Variants in RBFOX3 observed in about 807,000 individuals in gnomAD.
RBFOX3 encodes the protein RNA binding protein fox-1 homolog 3.
A neutral mutation model predicts 48.7 loss-of-function variants in RBFOX3; 17 were observed. The observed-to-expected ratio is 0.35, with a 90% confidence interval of 0.24 to 0.52. RBFOX3 has a LOEUF of 0.52. Among genes scored for constraint, RBFOX3 ranks in the 20% least tolerant of loss-of-function variants. The pLI, the probability that RBFOX3 is intolerant of heterozygous loss-of-function variation, is 0.94. For synonymous variants in RBFOX3, 212 were observed against 209.5 expected (o/e 1.01, Z -0.10); for missense variants, 382 against 497.5 (o/e 0.77, Z 2.21).
At chr17:79,426,033 G>A (rs1261705285) in intron 2 of RBFOX3, among the ~76,000 whole-genome samples, 1 of 152,072 alleles carries the variant, frequency 6.6e-6, no homozygotes, top group Non-Finnish European at 1.5e-5. Flanking sequence ...GCAAGGCTGC[G>A]GGACTCATGG....
At position 79,402,697 on chromosome 17, in the gene RBFOX3, C is replaced by T. The variant is rs530018748; in HGVS notation, c.-175+79757G>A. 2.2e-4 allele frequency among the ~76,000 whole-genome samples: 34 copies of T among 152,290 alleles called. No individual in the cohort carries two copies. In the South Asian group the frequency reaches 2.3e-3, roughly 10 times the overall value. On this transcript the variant is annotated intron_variant, in intron 2 of 14. Coordinates refer to ENST00000693108, the MANE Select transcript of RBFOX3 (RefSeq NM_001350451.2). ...CTTGTCTGTGAAACAGGAGGCTGGA[C>T]GATGGGAGGACCAGGTGAAGGCTCA... is the stretch of plus-strand genomic sequence containing the variant.
chr17:79,215,038 G>A (rs951731062), intron 4 of RBFOX3, among the ~76,000 whole-genome samples: 1 of 152,174 alleles, frequency 6.6e-6, no homozygotes, highest in Admixed American at 6.5e-5. Flanking sequence ...AGGGCTTGGG[G>A]GAGTGACATG....
At chr17:79,575,222 G>C (rs2092818515) in intron 1 of RBFOX3, among the ~76,000 whole-genome samples, 1 of 152,222 alleles carries the variant, frequency 6.6e-6, no homozygotes, top group Admixed American at 6.5e-5. Context: ...ATTACAGCAT[G>C]GATGTCCTGC....
the RBFOX3 span, among the ~76,000 whole-genome samples, chr17:79,651,746 TGC>T: frequency 4.0e-4 from 27 of 67,816 alleles, no homozygotes; most frequent in African/African-American, 8.6e-4. Context: ...CTTCTCTCTC[TGC>T]CTTTCTCTCT....
rs73409390 is a variant in RBFOX3 at position 79,426,115 on chromosome 17, G to C, written c.-175+56339C>G. 7.8e-3 allele frequency among the ~76,000 whole-genome samples: 1,185 copies of C among 152,236 alleles called. 18 individuals carry two copies. The highest frequency in any genetic ancestry group is 0.027 in the African/African-American group (1,128 of 41,526). On this transcript the variant is annotated intron_variant, in intron 2 of 14. Coordinates refer to ENST00000693108, the MANE Select transcript of RBFOX3 (RefSeq NM_001350451.2). The stretch of plus-strand genomic sequence containing the variant: ...GGGGCTTTTGGCAAGAGTGAGTCAG[G>C]GGGCATGGGTGCTGGTGGCCTGGGT...
intron 4 of RBFOX3, among the ~76,000 whole-genome samples, chr17:79,203,055 G>T (rs1479665207): frequency 1.3e-5 from 2 of 152,140 alleles, no homozygotes; most frequent in South Asian, 2.1e-4. Context: ...CTGCATGCGA[G>T]CACTTCTCTC....
rs995045790 is a variant in RBFOX3, at chr17:79,415,305, G to A, written c.-175+67149C>T. ...CACCTTTAGGAGGCTGCCCATGGCT[G>A]GACCCTGAGTGATCCCCACATGAAG... is the stretch of plus-strand genomic sequence containing the variant. On this transcript the variant is annotated intron_variant, in intron 2 of 14. Transcript: ENST00000693108. Among the ~76,000 whole-genome samples, 4 of 152,334 alleles carry A rather than the reference G, an allele frequency of 2.6e-5. No homozygotes were observed. In the East Asian group the frequency reaches 5.8e-4, roughly 22 times the overall value.
intron 4 of RBFOX3, among the ~76,000 whole-genome samples, chr17:79,153,664 C>T (rs1321131797): frequency 1.3e-5 from 2 of 152,206 alleles, no homozygotes; most frequent in Non-Finnish European, 2.9e-5. Flanking sequence ...TTACTTGCTG[C>T]ACGGACATTA....
chr17:79,559,989 G>A (rs967468840), intron 1 of RBFOX3, among the ~76,000 whole-genome samples: 70 of 139,350 alleles, frequency 5.0e-4, no homozygotes, highest in African/African-American at 1.8e-3. Context: ...GGTGGATGGT[G>A]AACAGTGGAT....
chr17:79,093,069 C>T (rs2074290650), intron 14 of RBFOX3, among the ~76,000 whole-genome samples: 1 of 152,224 alleles, frequency 6.6e-6, no homozygotes, highest in South Asian at 2.1e-4. Context: ...GCTCAAGAGC[C>T]TGGGGCCACT....
chr17:79,651,293 C>A, the RBFOX3 span, among the ~76,000 whole-genome samples: 21 of 152,210 alleles, frequency 1.4e-4, no homozygotes, highest in Non-Finnish European at 2.6e-4. Context: ...TCCTGGCCAT[C>A]AGCTCGATGC....
intron 1 of RBFOX3, among the ~76,000 whole-genome samples, chr17:79,533,193 T>C (rs2088111216): frequency 6.6e-6 from 1 of 152,252 alleles, no homozygotes; most frequent in Non-Finnish European, 1.5e-5. Context: ...GGCCATTTCA[T>C]GTCTACTTCA....
intron 2 of RBFOX3, among the ~76,000 whole-genome samples, chr17:79,309,437 C>T (rs2076541323): frequency 6.6e-6 from 1 of 152,100 alleles, no homozygotes; most frequent in South Asian, 2.1e-4. Context: ...TCCTTGCTCC[C>T]TCTGCCCCAC....
At chr17:79,137,735 A>C (rs1469824088) in intron 4 of RBFOX3, among the ~76,000 whole-genome samples, 1 of 151,846 alleles carries the variant, frequency 6.6e-6, no homozygotes, top group Non-Finnish European at 1.5e-5. Context: ...GTGTGGATCT[A>C]ATCTTCAGCT....
chr17:79,627,010 C>T, the RBFOX3 span, among the ~76,000 whole-genome samples: 6 of 152,200 alleles, frequency 3.9e-5, no homozygotes, highest in African/African-American at 1.4e-4. Flanking sequence ...AAGATGCACC[C>T]AGCAAATAAT....
intron 3 of RBFOX3, among the ~76,000 whole-genome samples, chr17:79,260,531 C>T (rs572534539): frequency 2.6e-5 from 4 of 152,344 alleles, no homozygotes; most frequent in African/African-American, 9.6e-5. Context: ...ACTGGCACCT[C>T]CACGGGTGAG....
rs571828515 is a variant in RBFOX3, at chr17:79,390,838, C to G, written c.-174-83014G>C. 6.6e-6 allele frequency among the ~76,000 whole-genome samples: 1 copy of G among 152,190 alleles called. No individual in the cohort carries two copies. The highest frequency in any genetic ancestry group is 6.5e-5 in the Admixed American group (1 of 15,290). ...ATGGAGCATCTGAGAGTTGAGGCAGCGGAACCCCTCACCAGGAGGCACCTT... is the reference window on the plus strand; with the variant it reads ...ATGGAGCATCTGAGAGTTGAGGCAGGGGAACCCCTCACCAGGAGGCACCTT... On this transcript the variant is annotated intron_variant, in intron 2 of 14. Coordinates refer to ENST00000693108, the MANE Select transcript of RBFOX3 (RefSeq NM_001350451.2). The surrounding 1 kb of genome is among the most constrained non-coding windows in gnomAD (Gnocchi z 4.2).
At chr17:79,261,860 G>C (rs1286147962) in intron 3 of RBFOX3, among the ~76,000 whole-genome samples, 2 of 152,226 alleles carry the variant, frequency 1.3e-5, no homozygotes, top group African/African-American at 4.8e-5. Context: ...GGAACCCGAA[G>C]AGGGGAGGGG....
intron 2 of RBFOX3, among the ~76,000 whole-genome samples, chr17:79,464,056 T>G (rs1403208978): frequency 6.6e-6 from 1 of 152,210 alleles, no homozygotes; most frequent in Admixed American, 6.5e-5. Context: ...CCTCCTGGGC[T>G]TAACCGTAAG....
Sources: allele counts gnomAD v4.1 joint callset (sites outside exome capture counted in the v4.1 genomes callset), GRCh38; gene constraint gnomAD v4.1.1; non-coding constraint Gnocchi (gnomAD v3.1); transcripts MANE v1.5; gene names NCBI Gene and HGNC (gene_info 2026-07-23, HGNC 2026-07-21).